The following SEMA3C variants were observed in gnomAD, a reference collection of about 807,000 sequenced individuals.
SEMA3C encodes semaphorin-3C.
SEMA3C carries 47 observed loss-of-function variants against 89.4 expected under a neutral mutation model. The ratio of observed to expected loss-of-function variants is 0.53; its 90% CI spans 0.42 to 0.67. The LOEUF (loss-of-function observed/expected upper bound fraction) is 0.67. Among genes scored for constraint, SEMA3C ranks in the 30% least tolerant of loss-of-function variants. SEMA3C has a pLI of 0.00. For missense variants in SEMA3C, 839 were observed against 929.1 expected (o/e 0.90, Z 1.26); for synonymous variants, 310 against 320.2 (o/e 0.97, Z 0.34).
chr7:80,757,234 C>T (rs1788086093), intron 15 of SEMA3C, among the ~76,000 whole-genome samples: 1 of 152,232 alleles, frequency 6.6e-6, no homozygotes, highest in African/African-American at 2.4e-5. Context: ...TATTTGCTCC[C>T]TCTGCTAACC....
At chr7:80,805,594 G>C in intron 7 of SEMA3C, 45 bp downstream of exon 7, 3 of 1,547,890 alleles carry the variant, frequency 1.9e-6, no homozygotes, top group South Asian at 2.4e-5. Context: ...AAATAAGTTA[G>C]TTTAACACGA....
At chr7:80,785,915 A>G (rs1272117328) in intron 12 of SEMA3C, among the ~76,000 whole-genome samples, 1 of 152,154 alleles carries the variant, frequency 6.6e-6, no homozygotes, top group Non-Finnish European at 1.5e-5. Flanking sequence ...GCCACAGTAA[A>G]TATTTTATAC....
upstream of SEMA3C, chr7:80,922,164 CA>C: frequency 1.0e-6 from 1 of 988,214 alleles, no homozygotes; most frequent in Non-Finnish European, 1.4e-6. Context: ...AAGGTTTGCC[CA>C]AAGTCAAATG....
At chr7:80,802,822 T>C (rs1157337550) in intron 8 of SEMA3C, 43 bp from the exon 9 acceptor site, 1 of 1,444,348 alleles carries the variant, frequency 6.9e-7, no homozygotes, top group Admixed American at 1.7e-5. Flanking sequence ...CTTAAGTAAA[T>C]ATTGAAGCAC....
At chr7:80,839,115 T>G (rs866450386) in intron 2 of SEMA3C, among the ~76,000 whole-genome samples, 8 of 152,300 alleles carry the variant, frequency 5.3e-5, no homozygotes, top group African/African-American at 1.9e-4. Context: ...TCAGATGTCA[T>G]GAGAGACTGA....
At chr7:80,856,921 T>C (rs1790655620) in intron 2 of SEMA3C, among the ~76,000 whole-genome samples, 1 of 152,104 alleles carries the variant, frequency 6.6e-6, no homozygotes, top group Non-Finnish European at 1.5e-5. Context: ...CCCCCATGAT[T>C]TGGAATGAAA....
At chr7:80,828,484 A>G (rs1789931463) in intron 3 of SEMA3C, 101 bp downstream of exon 3, 1 of 945,790 alleles carries the variant, frequency 1.1e-6, no homozygotes. Flanking sequence ...AGTATTTTCT[A>G]TTGTTCTAAT....
chr7:80,898,012 G>T (rs745508732), intron 2 of SEMA3C, among the ~76,000 whole-genome samples: 1 of 152,010 alleles, frequency 6.6e-6, no homozygotes, highest in African/African-American at 2.4e-5. Context: ...ATAATTTAGG[G>T]GCTGTTTATA....
chr7:80,827,417 A>T lies in SEMA3C; in HGVS notation c.327+8T>A, dbSNP rs769128432. 3 of 1,417,090 alleles carry T rather than the reference A, an allele frequency of 2.1e-6. No homozygotes were observed. In the African/African-American group the frequency reaches 4.8e-5, roughly 23 times the overall value. 87.8% of individuals were successfully genotyped at this position (1,417,090 alleles called of 1,614,324 possible). A position where few individuals can be genotyped will look rare whatever the true frequency, so the allele number is the denominator to read the frequency against. ...GTTTTTTTTTTTTTTTTTTTTTTTA[A>T]CACTTACTGTGGGATCTTTGCCAGC... On this transcript the variant is annotated splice_region_variant and intron_variant, in intron 4 of 17. Transcript: ENST00000265361.
rs369731548 is a variant in SEMA3C at position 80,771,006 on chromosome 7, T to C, written c.1355-5763A>G. ...GCACAAATTCAGCTATGTCTGAGGC[T>C]GTGTTCTGGATTTCTCAGTTAAACG... is the stretch of plus-strand genomic sequence containing the variant. On this transcript the variant is annotated intron_variant, in intron 12 of 17. Transcript: ENST00000265361. Among the ~76,000 whole-genome samples, 717 of 152,356 alleles carry C rather than the reference T, an allele frequency of 4.7e-3. 5 individuals carry two copies. The highest frequency in any genetic ancestry group is 0.016 in the African/African-American group (682 of 41,580).
rs3800555 is a variant in SEMA3C, at chr7:80,771,710, C to G, written c.1355-6467G>C. ...TCCTAAGGGGGTTTCCCTGGAAACTCATGTGCCAAACTGTCTGCTTTCCCC... is the reference window on the plus strand; with the variant it reads ...TCCTAAGGGGGTTTCCCTGGAAACTGATGTGCCAAACTGTCTGCTTTCCCC... On this transcript the variant is annotated intron_variant, in intron 12 of 17. Transcript: ENST00000265361. Among the ~76,000 whole-genome samples, 6 of 152,246 alleles carry G rather than the reference C, an allele frequency of 3.9e-5. No homozygotes were observed. The East Asian group carries it at 1.2e-3, about 29-fold the overall frequency.
At chr7:80,856,530 G>A (rs1790644166) in intron 2 of SEMA3C, among the ~76,000 whole-genome samples, 1 of 113,804 alleles carries the variant, frequency 8.8e-6, no homozygotes. Context: ...TTCTGCATTG[G>A]TTAAGGAAAA....
intron 2 of SEMA3C, among the ~76,000 whole-genome samples, chr7:80,835,815 T>C (rs192054712): frequency 1.7e-3 from 260 of 152,296 alleles, no homozygotes; most frequent in Admixed American, 4.7e-3. Flanking sequence ...GTCTTTGCAT[T>C]CGGTTCTAAT....
chr7:80,786,454 C>T (rs1788804487), intron 12 of SEMA3C, among the ~76,000 whole-genome samples: 3 of 150,568 alleles, frequency 2.0e-5, no homozygotes, highest in Admixed American at 2.0e-4. Flanking sequence ...TTAAGACAGG[C>T]TTCACAAGAA....
rs752229706 is a variant in SEMA3C at position 80,789,302 on chromosome 7, T to A, written c.1354+4A>T. ...TAAAGCATATCTTGGGCTCAAATAT[T>A]TACCTGTTCCGAGAAACAGGACATG... is the stretch of plus-strand genomic sequence containing the variant. On this transcript the variant is annotated splice_donor_region_variant and intron_variant, in intron 12 of 17. Transcript: ENST00000265361. The A allele has an allele frequency of 4.3e-6, 7 of 1,610,962 alleles. No homozygotes were observed. Among genetic ancestry groups the A allele is most frequent in the Non-Finnish European group, 5.9e-6 (7 of 1,177,890 alleles).
intron 2 of SEMA3C, among the ~76,000 whole-genome samples, chr7:80,901,871 G>T (rs545470451): frequency 6.6e-6 from 1 of 152,260 alleles, no homozygotes; most frequent in South Asian, 2.1e-4. Flanking sequence ...TATAATGAAA[G>T]ACATTATATT....
chr7:80,746,718 G>GTGTGTGTGTGTGTGT (rs1554357891), intron 17 of SEMA3C, among the ~76,000 whole-genome samples: 5 of 142,930 alleles, frequency 3.5e-5, no homozygotes, highest in Non-Finnish European at 7.6e-5. Flanking sequence ...ATTGAAGTGG[G>GTGTGTGTGTGTGTGT]GTGTGTGTGT....
Position 80,821,725 on chromosome 7 carries a change from C to T in SEMA3C, c.328-3307G>A, listed in dbSNP as rs78645187. ...CACAGAGCTCTTAATCCTTTGATGT[C>T]GATTGCTTAATTCTCATAACAGTGC... On this transcript the variant is annotated intron_variant, in intron 4 of 17. Coordinates refer to ENST00000265361, the MANE Select transcript of SEMA3C (RefSeq NM_006379.5). Among the ~76,000 whole-genome samples the T allele has an allele frequency of 6.1e-3, 927 of 152,170 alleles. 17 individuals are homozygous for T. Among genetic ancestry groups the T allele is most frequent in the East Asian group, 0.047 (246 of 5,180 alleles).
chr7:80,845,737 T>C (rs1790373669), intron 2 of SEMA3C, among the ~76,000 whole-genome samples: 1 of 152,174 alleles, frequency 6.6e-6, no homozygotes, highest in South Asian at 2.1e-4. Flanking sequence ...ATTTATTGAA[T>C]GGTGGAAAAC....
Sources: allele counts gnomAD v4.1 joint callset (sites outside exome capture counted in the v4.1 genomes callset), GRCh38; gene constraint gnomAD v4.1.1; transcripts MANE v1.5; gene names NCBI Gene and HGNC (gene_info 2026-07-23, HGNC 2026-07-21).